SPAG1: variants seen among roughly 807,000 people sequenced by gnomAD.
The protein encoded by SPAG1 is sperm associated antigen 1, also known as sperm-associated antigen 1.
SPAG1 carries 69 observed loss-of-function variants against 100.5 expected under a neutral mutation model. That is an observed-to-expected ratio of 0.69 (90% confidence interval 0.57 to 0.84). SPAG1 has a LOEUF of 0.84. Ranked by LOEUF, SPAG1 falls within the 40% of genes least tolerant of loss-of-function variation. The pLI is 0.00. For synonymous variants in SPAG1, 336 were observed against 411.6 expected, an observed-to-expected ratio of 0.82 and a Z score of 2.22; for missense variants, 955 against 1,133.1, an observed-to-expected ratio of 0.84 and a Z score of 2.26.
At chr8:100,224,371 G>A (rs1291052569) in intron 13 of SPAG1, among the ~76,000 whole-genome samples, 6 of 152,048 alleles carry the variant, frequency 3.9e-5, no homozygotes, top group African/African-American at 1.2e-4. Flanking sequence ...GCAAAACCCC[G>A]TCTCTACTAA....
chr8:100,189,483 A>C (rs1328967176), intron 8 of SPAG1, among the ~76,000 whole-genome samples: 1 of 151,838 alleles, frequency 6.6e-6, no homozygotes, highest in Admixed American at 6.6e-5. Flanking sequence ...TCTCAAAAAA[A>C]ACCATAATAA....
rs1445490858 is a variant in SPAG1 at position 100,213,141 on chromosome 8, G to T, written c.1148G>T (p.Gly383Val). Residue 383 changes from glycine (G) to valine (V), a missense_variant, in exon 11 of 19, where the codon GGC (glycine) becomes GTC (valine). Gly to Val is a moderately radical substitution (Grantham distance 109). Coordinates refer to ENST00000388798, the MANE Select transcript of SPAG1 (RefSeq NM_003114.5). ...AARAAQPCVM[G>V]NIQKKLTGKA... ...CGCGCCGCCCAGCCGTGCGTCATGGGCAACATCCAGAAGAAGCTGACTGGC... is the reference window on the plus strand; with the variant it reads ...CGCGCCGCCCAGCCGTGCGTCATGGTCAACATCCAGAAGAAGCTGACTGGC... 6.7e-7 allele frequency: 1 copy of T among 1,484,640 alleles called. No individual in the cohort carries two copies. Among genetic ancestry groups the T allele is most frequent in the South Asian group, 1.3e-5 (1 of 79,734 alleles). The allele number at this position is 1,484,640 out of a possible 1,614,324, so 92.0% of individuals were successfully genotyped here.
chr8:100,195,407 A>T (rs1816993138), intron 10 of SPAG1, among the ~76,000 whole-genome samples: 1 of 152,216 alleles, frequency 6.6e-6, no homozygotes, highest in African/African-American at 2.4e-5. Context: ...GACAAAAAAT[A>T]ATGCAATGTA....
chr8:100,186,257 G>C (rs1347934041), intron 7 of SPAG1, among the ~76,000 whole-genome samples: 1 of 151,734 alleles, frequency 6.6e-6, no homozygotes, highest in Non-Finnish European at 1.5e-5. Flanking sequence ...TTTTTGTAGA[G>C]ACAGGCTCTC....
intron 6 of SPAG1, 40 bp from the exon 7 acceptor site, chr8:100,184,588 A>T: frequency 1.8e-6 from 2 of 1,099,446 alleles, no homozygotes; most frequent in Non-Finnish European, 2.6e-6. Context: ...AATTCTGTTA[A>T]ATTATACGTT....
rs928389117 is a variant in SPAG1, at chr8:100,202,634, C to T, written c.1096+8366C>T. Among the ~76,000 whole-genome samples, 7 of 137,180 alleles carry T rather than the reference C, an allele frequency of 5.1e-5. No individual in the cohort carries two copies. The Admixed American group carries it at 5.5e-4, about 11-fold the overall frequency. 90.0% of individuals were successfully genotyped at this position (137,180 alleles called of 152,430 possible). On this transcript the variant is annotated intron_variant, in intron 10 of 18. Coordinates refer to ENST00000388798, the MANE Select transcript of SPAG1 (RefSeq NM_003114.5). ...CTGAGGCAGGAGAATGGCGTGAACC[C>T]GGGAGGCGGAGCTTGCAGTGAGCCG...
At chr8:100,220,502 A>G in intron 13 of SPAG1, 71 bp downstream of exon 13, 1 of 1,280,234 alleles carries the variant, frequency 7.8e-7, no homozygotes, top group Non-Finnish European at 1.1e-6. Flanking sequence ...TCCTTCAAGA[A>G]CATGTCAAAA....
chr8:100,241,024 T>A lies in SPAG1; in HGVS notation c.*2T>A. ...CTAAAAAGGCAGTATGAGCTTTAAA[T>A]CAAGATAATTGTTAGATTTCTTCCA... On this transcript the variant is annotated 3_prime_UTR_variant, in exon 19 of 19. Transcript: ENST00000388798. The surrounding 1 kb of genome is among the most constrained non-coding windows in gnomAD (Gnocchi z 5.1). 6.2e-7 allele frequency: 1 copy of A among 1,609,754 alleles called. No homozygotes were observed. Among genetic ancestry groups the A allele is most frequent in the African/African-American group, 1.3e-5 (1 of 74,886 alleles).
At chr8:100,198,004 T>A (rs1489782847) in intron 10 of SPAG1, among the ~76,000 whole-genome samples, 4 of 152,152 alleles carry the variant, frequency 2.6e-5, no homozygotes, top group Non-Finnish European at 5.9e-5. Context: ...CTAGTAGAGA[T>A]CATTTAGAAG....
At chr8:100,197,494 C>A (rs1270233274) in intron 10 of SPAG1, among the ~76,000 whole-genome samples, 1 of 152,154 alleles carries the variant, frequency 6.6e-6, no homozygotes, top group Non-Finnish European at 1.5e-5. Context: ...ATCAAACAGT[C>A]ATTGTTTGAT....
At chr8:100,207,557 C>A (rs200693176) in intron 10 of SPAG1, among the ~76,000 whole-genome samples, 1 of 152,218 alleles carries the variant, frequency 6.6e-6, no homozygotes, top group Admixed American at 6.5e-5. Flanking sequence ...AAGCAGTGCA[C>A]CTGGTGGTAC....
At chr8:100,165,482 C>T (rs756677097) in intron 2 of SPAG1, 2 of 359,768 alleles carry the variant, frequency 5.6e-6, no homozygotes, top group South Asian at 2.4e-5. Context: ...GACATGGTGG[C>T]GCCGGGAGGA....
At chr8:100,197,918 A>G (rs769435649) in intron 10 of SPAG1, among the ~76,000 whole-genome samples, 1 of 152,116 alleles carries the variant, frequency 6.6e-6, no homozygotes, top group Non-Finnish European at 1.5e-5. Context: ...CAAATTGCCT[A>G]TTGGCCAGGA....
Position 100,217,891 on chromosome 8 carries a change from T to G in SPAG1, c.1536-2388T>G, listed in dbSNP as rs530044746. On this transcript the variant is annotated intron_variant, in intron 12 of 18. Transcript: ENST00000388798. ...TCTGCCTCCTGGGTTCAAGCGATTCTTGTACCTCAGCCTCCCAAGTAGCTG... is the reference window on the plus strand; with the variant it reads ...TCTGCCTCCTGGGTTCAAGCGATTCGTGTACCTCAGCCTCCCAAGTAGCTG... Among the ~76,000 whole-genome samples the G allele has an allele frequency of 6.8e-4, 104 of 152,330 alleles. 1 individual carries two copies. Among genetic ancestry groups the G allele is most frequent in the African/African-American group, 2.5e-3 (102 of 41,568 alleles).
chr8:100,198,340 G>T (rs7816720), intron 10 of SPAG1, among the ~76,000 whole-genome samples: 2 of 151,764 alleles, frequency 1.3e-5, no homozygotes, highest in Admixed American at 6.6e-5. Context: ...TATGTTAGGC[G>T]CCATAAAAAA....
At chr8:100,184,094 C>T in intron 6 of SPAG1, 32 bp downstream of exon 6, 1 of 987,582 alleles carries the variant, frequency 1.0e-6, no homozygotes, top group South Asian at 1.7e-5. Flanking sequence ...ATTTAGTAGT[C>T]TTTAAAGTTT....
At chr8:100,237,903 A>G (rs1443598327) in intron 16 of SPAG1, among the ~76,000 whole-genome samples, 2 of 152,150 alleles carry the variant, frequency 1.3e-5, no homozygotes, top group African/African-American at 2.4e-5. Context: ...TGTGGCTCAC[A>G]GGTCTCTATT....
At chr8:100,235,398 CA>C (rs1170801739) in intron 16 of SPAG1, among the ~76,000 whole-genome samples, 1 of 152,004 alleles carries the variant, frequency 6.6e-6, no homozygotes, top group Non-Finnish European at 1.5e-5. Flanking sequence ...GGGAAGGGGC[CA>C]ATTCAAGGGT....
At chr8:100,164,060 A>C (rs1185581111) in intron 2 of SPAG1, among the ~76,000 whole-genome samples, 1 of 152,194 alleles carries the variant, frequency 6.6e-6, no homozygotes, top group African/African-American at 2.4e-5. Context: ...TTTTCCTTAA[A>C]ATAAAAGGAA....
Sources: allele counts gnomAD v4.1 joint callset (sites outside exome capture counted in the v4.1 genomes callset), GRCh38; gene constraint gnomAD v4.1.1; non-coding constraint Gnocchi (gnomAD v3.1); transcripts MANE v1.5; gene names NCBI Gene and HGNC (gene_info 2026-07-23, HGNC 2026-07-21).